NRG1: variants seen among roughly 807,000 people sequenced by gnomAD.
The protein encoded by NRG1 is neuregulin 1, also known as pro-neuregulin-1, membrane-bound isoform.
NRG1 carries 18 observed loss-of-function variants against 63.8 expected under a neutral mutation model. The observed-to-expected ratio is 0.28, with a 90% CI of 0.19 to 0.42. The LOEUF is 0.42. Ranked by LOEUF, NRG1 falls within the 10% of genes least tolerant of loss-of-function variation. The probability of loss-of-function intolerance (pLI) is 1.00; values close to 1 mark genes in which losing one functional copy is unlikely to be tolerated. For synonymous variants in NRG1, 302 were observed against 301.3 expected, an observed-to-expected ratio of 1.00 and a Z score of -0.02; for missense variants, 762 against 814.7, an observed-to-expected ratio of 0.94 and a Z score of 0.79.
At chr8:31,906,525 A>G (rs958267475) in intron 1 of NRG1, among the ~76,000 whole-genome samples, 9 of 152,200 alleles carry the variant, frequency 5.9e-5, no homozygotes, top group African/African-American at 1.9e-4. Context: ...ACTGAACAGA[A>G]TCACTGCCTA....
chr8:32,695,105 C>T (rs1812923137), intron 5 of NRG1, among the ~76,000 whole-genome samples: 2 of 152,138 alleles, frequency 1.3e-5, no homozygotes, highest in Non-Finnish European at 2.9e-5. Context: ...CCTGTAATCT[C>T]AGCACTTTGG....
chr8:32,067,750 A>G (rs761425279), intron 1 of NRG1, among the ~76,000 whole-genome samples: 2 of 152,210 alleles, frequency 1.3e-5, no homozygotes, highest in Non-Finnish European at 2.9e-5. Context: ...TACTTTTCCA[A>G]GTACATTAAC....
intron 1 of NRG1, among the ~76,000 whole-genome samples, chr8:31,731,755 ACT>A (rs915999992): frequency 1.3e-5 from 2 of 152,164 alleles, no homozygotes; most frequent in Non-Finnish European, 2.9e-5. Flanking sequence ...AACTTCTAAG[ACT>A]CTATATCAAT....
intron 1 of NRG1, among the ~76,000 whole-genome samples, chr8:31,918,597 G>A (rs1368628467): frequency 2.0e-5 from 3 of 152,046 alleles, no homozygotes; most frequent in East Asian, 1.9e-4. Flanking sequence ...TGCTGGATTC[G>A]TTTTGCCAGT....
chr8:31,727,020 G>A lies in NRG1; in HGVS notation c.37+87589G>A, dbSNP rs116889185. 3.9e-3 allele frequency among the ~76,000 whole-genome samples: 588 copies of A among 152,244 alleles called. 1 individual carries two copies. The highest frequency in any genetic ancestry group is 0.019 in the South Asian group (90 of 4,818). On this transcript the variant is annotated intron_variant, in intron 1 of 10. Transcript: ENST00000519301. The stretch of plus-strand genomic sequence containing the variant: ...CAGGCTATTCTTATGATTGAAAAAC[G>A]ATTGTCTAAGGGGTTGTTGGGAAGA...
At chr8:31,975,508 G>T (rs140730104) in intron 1 of NRG1, among the ~76,000 whole-genome samples, 73 of 152,306 alleles carry the variant, frequency 4.8e-4, no homozygotes, top group African/African-American at 1.7e-3. Context: ...GGGGTTTATT[G>T]TTGAATACTA....
intron 1 of NRG1, among the ~76,000 whole-genome samples, chr8:32,203,188 CTTTTTTT>C (rs11311144): frequency 1.6e-5 from 1 of 61,460 alleles, no homozygotes. Context: ...AGCAAGCCAG[CTTTTTTT>C]TTTTTTTTTT....
intron 1 of NRG1, among the ~76,000 whole-genome samples, chr8:32,208,403 A>C (rs1844302222): frequency 6.6e-6 from 1 of 150,998 alleles, no homozygotes; most frequent in African/African-American, 2.4e-5. Flanking sequence ...AATTACAGGC[A>C]CCCTCCACCA....
At chr8:32,524,642 A>G (rs933656584) in intron 1 of NRG1, among the ~76,000 whole-genome samples, 1 of 152,080 alleles carries the variant, frequency 6.6e-6, no homozygotes, top group African/African-American at 2.4e-5. Flanking sequence ...TCCTCCAGCA[A>G]TTCTTCTGGT....
intron 1 of NRG1, among the ~76,000 whole-genome samples, chr8:32,345,849 A>G (rs537459080): frequency 6.6e-6 from 1 of 151,664 alleles, no homozygotes; most frequent in South Asian, 2.1e-4. Context: ...CTCTACTAAA[A>G]CTACAAAAAT....
intron 1 of NRG1, among the ~76,000 whole-genome samples, chr8:31,897,943 G>T (rs552035244): frequency 1.3e-5 from 2 of 150,014 alleles, no homozygotes; most frequent in East Asian, 3.9e-4. Context: ...CTTGAACCCC[G>T]GAGACAGAGG....
At chr8:31,934,747 A>G (rs561083947) in intron 1 of NRG1, among the ~76,000 whole-genome samples, 13 of 152,112 alleles carry the variant, frequency 8.5e-5, no homozygotes, top group African/African-American at 2.2e-4. Flanking sequence ...CTATCTTTCT[A>G]TCTATCTACT....
At chr8:32,430,787 G>A (rs11778694) in intron 1 of NRG1, among the ~76,000 whole-genome samples, 1 of 134,152 alleles carries the variant, frequency 7.5e-6, no homozygotes, top group African/African-American at 2.7e-5. Context: ...AATGGTTTGG[G>A]TTTTTTTTTT....
chr8:32,482,680 G>A (rs1391922384), intron 1 of NRG1, among the ~76,000 whole-genome samples: 1 of 152,124 alleles, frequency 6.6e-6, no homozygotes, highest in Non-Finnish European at 1.5e-5. Context: ...AGGAACAGGG[G>A]ACGGGTGCTG....
In NRG1 at chr8:32,760,921, C is replaced by T. The variant is rs1830580449; in HGVS notation, c.1259+515C>T. 3 of 992,262 alleles carry T rather than the reference C, an allele frequency of 3.0e-6. No homozygotes were observed. The Admixed American group carries it at 1.7e-4, about 55-fold the overall frequency. The allele number at this position is 992,262 out of a possible 1,614,324, so 61.5% of individuals were successfully genotyped here. A position where few individuals can be genotyped will look rare whatever the true frequency, so the allele number is the denominator to read the frequency against. ...AATGTCATGGGGGGCAACTGCTTGC[C>T]CTCCACCCTATAGTATCTATTTTAT... On this transcript the variant is annotated intron_variant, in intron 11 of 11. Transcript: ENST00000356819.
intron 1 of NRG1, among the ~76,000 whole-genome samples, chr8:32,155,059 A>G (rs898932439): frequency 6.6e-6 from 1 of 152,200 alleles, no homozygotes; most frequent in African/African-American, 2.4e-5. Context: ...ATTGTTCCAC[A>G]ATACTTTTTG....
At chr8:32,036,031 G>C (rs933221141) in intron 1 of NRG1, among the ~76,000 whole-genome samples, 1 of 152,136 alleles carries the variant, frequency 6.6e-6, no homozygotes, top group Non-Finnish European at 1.5e-5. Flanking sequence ...AGTGTCATTA[G>C]TCTGTGTACT....
Position 31,904,664 on chromosome 8 carries a change from G to A in NRG1, c.37+265233G>A, listed in dbSNP as rs374899330. 4.6e-5 allele frequency among the ~76,000 whole-genome samples: 7 copies of A among 152,202 alleles called. 1 individual carries two copies. Among genetic ancestry groups the A allele is most frequent in the East Asian group, 3.9e-4 (2 of 5,172 alleles). On this transcript the variant is annotated intron_variant, in intron 1 of 10. Coordinates refer to the NRG1 transcript ENST00000519301. ...ACAGTAGACTGGATAAAGGAAATGC[G>A]GTACATATACATCATCAAATACTAT...
At chr8:31,782,072 G>A (rs1819740860) in intron 1 of NRG1, among the ~76,000 whole-genome samples, 1 of 151,998 alleles carries the variant, frequency 6.6e-6, no homozygotes, top group South Asian at 2.1e-4. Context: ...ACTGCAATTG[G>A]TACATGTGTT....
Sources: allele counts gnomAD v4.1 joint callset (sites outside exome capture counted in the v4.1 genomes callset), GRCh38; gene constraint gnomAD v4.1.1; transcripts MANE v1.5; gene names NCBI Gene and HGNC (gene_info 2026-07-23, HGNC 2026-07-21).